The following GAS7 variants were observed in gnomAD, a reference collection of about 807,000 sequenced individuals.
The protein encoded by GAS7 is growth arrest-specific protein 7.
Under a neutral mutation model 71.1 loss-of-function variants are expected in GAS7, and 28 were observed. The ratio of observed to expected loss-of-function variants is 0.39; its 90% CI spans 0.29 to 0.54. The LOEUF is 0.54. Among genes scored for constraint, GAS7 ranks in the 20% least tolerant of loss-of-function variants. GAS7 has a pLI of 0.62. For synonymous variants in GAS7, 258 were observed against 245.8 expected, an observed-to-expected ratio of 1.05 and a Z score of -0.46; for missense variants, 436 against 627.8, an observed-to-expected ratio of 0.69 and a Z score of 3.27.
At position 9,915,104 on chromosome 17, in the gene GAS7, G is replaced by C. The variant is rs189417818; in HGVS notation, c.*2124C>G. Reference sequence around the variant, plus strand: ...AAAGAGAAGGAGGTGAGGGGATGAGGGGGGAAAGAGTGACCTCCAAAAATG... The same window carrying C: ...AAAGAGAAGGAGGTGAGGGGATGAGCGGGGAAAGAGTGACCTCCAAAAATG... On this transcript the variant is annotated 3_prime_UTR_variant, in exon 14 of 14. Coordinates refer to ENST00000432992, the MANE Select transcript of GAS7 (RefSeq NM_201433.2). The C allele has an allele frequency of 2.6e-5, 6 of 231,486 alleles. No homozygotes were observed. In the Admixed American group the frequency reaches 2.8e-4, roughly 11 times the overall value. 14.3% of individuals were successfully genotyped at this position (231,486 alleles called of 1,614,324 possible).
intron 1 of GAS7, among the ~76,000 whole-genome samples, chr17:10,126,795 G>C (rs375976021): frequency 7.9e-5 from 12 of 152,360 alleles, no homozygotes; most frequent in African/African-American, 2.6e-4. Flanking sequence ...AACCAAGCCG[G>C]CTCTGACTCT....
chr17:10,144,086 G>A (rs189555333), intron 1 of GAS7, among the ~76,000 whole-genome samples: 6 of 152,272 alleles, frequency 3.9e-5, no homozygotes, highest in Admixed American at 2.0e-4. Flanking sequence ...CGGGGGACTC[G>A]GAGCGGCAGA....
intron 1 of GAS7, among the ~76,000 whole-genome samples, chr17:10,102,172 T>C (rs1019378459): frequency 7.4e-6 from 1 of 135,686 alleles, no homozygotes; most frequent in South Asian, 2.3e-4. Context: ...AGAAATCTGA[T>C]TGATCTAGAA....
At chr17:10,030,472 T>C (rs2072589946) in intron 1 of GAS7, among the ~76,000 whole-genome samples, 2 of 152,132 alleles carry the variant, frequency 1.3e-5, no homozygotes, top group Non-Finnish European at 2.9e-5. Flanking sequence ...TGGACCCGTG[T>C]GAAAAGGGGG....
chr17:10,128,499 C>A (rs1035088008), intron 1 of GAS7, among the ~76,000 whole-genome samples: 1 of 152,178 alleles, frequency 6.6e-6, no homozygotes, highest in Non-Finnish European at 1.5e-5. Context: ...AGGCCAAATG[C>A]CTCCCCCTCT....
chr17:10,157,868 AT>A (rs1023314344), intron 1 of GAS7, among the ~76,000 whole-genome samples: 2 of 152,194 alleles, frequency 1.3e-5, no homozygotes, highest in Admixed American at 6.5e-5. Flanking sequence ...TAGGCTGGAC[AT>A]GGTGGTATCC....
rs187285603 is a variant in GAS7 at position 9,983,227 on chromosome 17, T to G, written c.305-1343A>C. ...AAATCTGTCCAGGCACAGTGGTTCA[T>G]GCGTCTTATCTCAATACTTTTGGGA... On this transcript the variant is annotated intron_variant, in intron 2 of 13. Coordinates refer to ENST00000432992, the MANE Select transcript of GAS7 (RefSeq NM_201433.2). Among the ~76,000 whole-genome samples the G allele has an allele frequency of 2.1e-3, 315 of 152,324 alleles. 1 individual carries two copies. Among genetic ancestry groups the G allele is most frequent in the Non-Finnish European group, 1.6e-3 (108 of 68,030 alleles).
intron 1 of GAS7, among the ~76,000 whole-genome samples, chr17:10,113,362 G>A (rs1470756332): frequency 1.3e-5 from 2 of 152,088 alleles, no homozygotes; most frequent in Non-Finnish European, 2.9e-5. Flanking sequence ...CCTCACCCAC[G>A]TGCAGAATGA....
At position 9,911,536 on chromosome 17, in the gene GAS7, C is replaced by G. The variant is rs2067436622; in HGVS notation, c.*5692G>C. 8.6e-6 allele frequency: 2 copies of G among 233,342 alleles called. No individual in the cohort carries two copies. The highest frequency in any genetic ancestry group is 4.4e-5 in the African/African-American group (2 of 45,350). 14.5% of individuals were successfully genotyped at this position (233,342 alleles called of 1,614,324 possible). A position where few individuals can be genotyped will look rare whatever the true frequency, so the allele number is the denominator to read the frequency against. ...CCAGGAAGCCCTCCTGACAGCCATG[C>G]CCCAGCATTTAGAACGTGGGGAGAA... On this transcript the variant is annotated 3_prime_UTR_variant, in exon 14 of 14. Coordinates refer to ENST00000432992, the MANE Select transcript of GAS7 (RefSeq NM_201433.2). This position sits in a 1 kb window ranked among gnomAD's most constrained non-coding sequence, Gnocchi z 4.0.
intron 1 of GAS7, among the ~76,000 whole-genome samples, chr17:10,063,062 C>G (rs2073237286): frequency 6.6e-6 from 1 of 152,256 alleles, no homozygotes; most frequent in African/African-American, 2.4e-5. Flanking sequence ...GCTCTGTGCT[C>G]CCACTTACCT....
chr17:10,181,486 C>T (rs1043536137), intron 1 of GAS7, among the ~76,000 whole-genome samples: 4 of 151,900 alleles, frequency 2.6e-5, no homozygotes, highest in African/African-American at 7.3e-5. Flanking sequence ...GAACAGCATG[C>T]ACAGGGTACA....
In GAS7 at chr17:10,030,167, G is replaced by A. The variant is rs186134195; in HGVS notation, c.184-10270C>T. Among the ~76,000 whole-genome samples, 5 of 152,292 alleles carry A rather than the reference G, an allele frequency of 3.3e-5. No homozygotes were observed. In the East Asian group the frequency reaches 9.6e-4, roughly 29 times the overall value. Reference sequence around the variant, plus strand: ...GGCCTTGGAGACCCAAATCCCTGGTGCTGTGAGTCTTTTGAGTCTTACCTC... The same window carrying A: ...GGCCTTGGAGACCCAAATCCCTGGTACTGTGAGTCTTTTGAGTCTTACCTC... On this transcript the variant is annotated intron_variant, in intron 1 of 13. Coordinates refer to ENST00000432992, the MANE Select transcript of GAS7 (RefSeq NM_201433.2).
intron 1 of GAS7, among the ~76,000 whole-genome samples, chr17:10,159,282 C>T (rs921212222): frequency 6.6e-6 from 1 of 151,538 alleles, no homozygotes; most frequent in Admixed American, 6.6e-5. Flanking sequence ...TACACATATT[C>T]TATGACCTAG....
Position 9,946,839 on chromosome 17 carries a change from T to G in GAS7, c.615+55A>C, listed in dbSNP as rs1481799666. On this transcript the variant is annotated intron_variant, in intron 6 of 13. Transcript: ENST00000432992. ...CCAGGTCCCTCCTACCCATCCTGGG[T>G]GTCCACTCCCGGTCACCGGGGTCAC... The G allele has an allele frequency of 2.7e-6, 3 of 1,120,372 alleles. No homozygotes were observed. In the African/African-American group the frequency reaches 4.6e-5, roughly 17 times the overall value. The allele number at this position is 1,120,372 out of a possible 1,614,324, so 69.4% of individuals were successfully genotyped here.
At chr17:10,124,778 C>A (rs2073931739) in intron 1 of GAS7, among the ~76,000 whole-genome samples, 1 of 151,912 alleles carries the variant, frequency 6.6e-6, no homozygotes, top group African/African-American at 2.4e-5. Context: ...ATTAGCTGAG[C>A]ATGGTGGTGC....
chr17:10,197,643 A>AC (rs1847336060), intron 1 of GAS7, among the ~76,000 whole-genome samples: 1 of 149,542 alleles, frequency 6.7e-6, no homozygotes, highest in Non-Finnish European at 1.5e-5. Flanking sequence ...GTGCTACGGC[A>AC]CCCCAGGATC....
intron 1 of GAS7, among the ~76,000 whole-genome samples, chr17:10,093,430 C>T (rs1430538689): frequency 6.6e-6 from 1 of 151,508 alleles, no homozygotes; most frequent in African/African-American, 2.4e-5. Context: ...ATTAGCTGGG[C>T]ATGGTGGCAC....
intron 5 of GAS7, among the ~76,000 whole-genome samples, chr17:9,948,886 G>A (rs1008393701): frequency 6.6e-6 from 1 of 152,182 alleles, no homozygotes; most frequent in African/African-American, 2.4e-5. Context: ...TCCTCTGTGG[G>A]AGCAAGGCCT....
chr17:10,038,443 G>A (rs1485309678), intron 1 of GAS7, among the ~76,000 whole-genome samples: 1 of 152,180 alleles, frequency 6.6e-6, no homozygotes, highest in African/African-American at 2.4e-5. Flanking sequence ...CTTCTGGTGG[G>A]AATGTAAAAT....
Sources: allele counts gnomAD v4.1 joint callset (sites outside exome capture counted in the v4.1 genomes callset), GRCh38; gene constraint gnomAD v4.1.1; non-coding constraint Gnocchi (gnomAD v3.1); transcripts MANE v1.5; gene names NCBI Gene and HGNC (gene_info 2026-07-23, HGNC 2026-07-21).